Variants in NBAS observed in about 807,000 individuals in gnomAD.
The protein encoded by NBAS is NBAS subunit of NRZ tethering complex.
NBAS carries 219 observed loss-of-function variants against 302.5 expected under a neutral mutation model. The observed-to-expected ratio is 0.72, with a 90% CI of 0.65 to 0.81. The LOEUF is 0.81. NBAS is among the 30% of genes least tolerant of loss of function. The pLI, the probability that NBAS is intolerant of heterozygous loss-of-function variation, is 0.00. For missense variants in NBAS, 2,932 were observed against 2,841.6 expected (o/e 1.03, Z -0.72); for synonymous variants, 1,118 against 1,021.6 (o/e 1.09, Z -1.80).
At chr2:15,372,695 A>T (rs1445065975) in intron 31 of NBAS, among the ~76,000 whole-genome samples, 2 of 152,224 alleles carry the variant, frequency 1.3e-5, no homozygotes, top group Non-Finnish European at 2.9e-5. Context: ...AAAGCTGTCA[A>T]GACATGAAAG....
chr2:15,111,144 C>G, the NBAS span, among the ~76,000 whole-genome samples: 1 of 152,062 alleles, frequency 6.6e-6, no homozygotes, highest in Non-Finnish European at 1.5e-5. Context: ...GAATTCTTTT[C>G]TACCATAATG....
At chr2:14,944,654 A>G in the NBAS span, among the ~76,000 whole-genome samples, 897 of 152,288 alleles carry the variant, frequency 5.9e-3, 14 homozygotes, top group African/African-American at 0.021. Context: ...AACATATGGC[A>G]CAAGATTATC....
intron 41 of NBAS, among the ~76,000 whole-genome samples, chr2:15,291,256 A>G (rs1252792360): frequency 6.6e-6 from 1 of 152,248 alleles, no homozygotes; most frequent in East Asian, 1.9e-4. Context: ...CTCACCATCT[A>G]TGGAACTTAG....
the NBAS span, among the ~76,000 whole-genome samples, chr2:14,804,740 C>G: frequency 1.3e-5 from 2 of 152,012 alleles, no homozygotes; most frequent in African/African-American, 4.8e-5. Context: ...GCACAGTGTT[C>G]AGTCTGGTGA....
rs1356890945 is a variant in NBAS, at chr2:15,467,762, A to G, written c.1920T>C (p.Tyr640=). The G allele has an allele frequency of 1.3e-6, 2 of 1,598,388 alleles. No individual in the cohort carries two copies. The highest frequency in any genetic ancestry group is 2.2e-5 in the South Asian group (2 of 90,692). Residue 640 remains tyrosine, a synonymous_variant, in exon 18 of 52, where the codon TAT becomes TAC. Coordinates refer to ENST00000281513, the MANE Select transcript of NBAS (RefSeq NM_015909.4). The part of the protein sequence containing the change: ...PGEIDIDSIS[Y]EELSPPDEEP... The stretch of plus-strand genomic sequence containing the variant: ...CTTCATCAGGTGGTGAAAGCTCTTC[A>G]TAGGAGATACTGTCAATGTCTATTT...
chr2:14,903,349 AC>A, the NBAS span, among the ~76,000 whole-genome samples: 2 of 147,178 alleles, frequency 1.4e-5, no homozygotes, highest in African/African-American at 4.9e-5. Context: ...AAAGAAAGAA[AC>A]ATGTTGAAAA....
intron 44 of NBAS, among the ~76,000 whole-genome samples, chr2:15,251,104 T>G (rs972482760): frequency 2.0e-5 from 3 of 152,076 alleles, no homozygotes; most frequent in African/African-American, 7.2e-5. Context: ...GTGGCACATA[T>G]ATACCATGGA....
At chr2:14,884,893 G>C in the NBAS span, among the ~76,000 whole-genome samples, 1 of 152,144 alleles carries the variant, frequency 6.6e-6, no homozygotes, top group Non-Finnish European at 1.5e-5. Context: ...AAGGTAAAGA[G>C]AGTTCAGACA....
the NBAS span, among the ~76,000 whole-genome samples, chr2:15,052,643 C>G: frequency 6.6e-6 from 1 of 152,196 alleles, no homozygotes; most frequent in Non-Finnish European, 1.5e-5. Context: ...AGCACCTAAT[C>G]CAGCTAAGAC....
the NBAS span, among the ~76,000 whole-genome samples, chr2:14,978,000 A>T: frequency 6.6e-6 from 1 of 152,196 alleles, no homozygotes; most frequent in African/African-American, 2.4e-5. Context: ...TCAAAAAACA[A>T]GTGGTTCTCT....
chr2:15,480,488 G>A (rs779071435), intron 12 of NBAS, among the ~76,000 whole-genome samples: 1 of 152,030 alleles, frequency 6.6e-6, no homozygotes, highest in Non-Finnish European at 1.5e-5. Context: ...ACAAAGAGAG[G>A]TATAGATAAA....
intron 12 of NBAS, 131 bp downstream of exon 12, chr2:15,488,763 T>G (rs1680737867): frequency 1.7e-6 from 2 of 1,205,674 alleles, no homozygotes; most frequent in East Asian, 5.2e-5. Flanking sequence ...TATCATAATT[T>G]AAAGGATAGA....
chr2:15,164,289 C>T (rs1057310413), downstream of NBAS, among the ~76,000 whole-genome samples: 1 of 152,208 alleles, frequency 6.6e-6, no homozygotes, highest in Non-Finnish European at 1.5e-5. Flanking sequence ...AGGATGCCCA[C>T]CAGGTTCTCA....
At chr2:15,165,509 A>C (rs1212232688), downstream of NBAS, among the ~76,000 whole-genome samples, 2 of 152,236 alleles carry the variant, frequency 1.3e-5, no homozygotes, top group African/African-American at 4.8e-5. Context: ...AAGATGACCA[A>C]AACTTTCATC....
chr2:15,161,652 G>A, the NBAS span, among the ~76,000 whole-genome samples: 5 of 152,256 alleles, frequency 3.3e-5, no homozygotes, highest in East Asian at 1.9e-4. Flanking sequence ...GTTTCACCCC[G>A]GGCCTGCAGC....
intron 11 of NBAS, 94 bp downstream of exon 11, chr2:15,504,051 C>A (rs1661715079): frequency 1.0e-6 from 1 of 965,390 alleles, no homozygotes; most frequent in African/African-American, 1.6e-5. Context: ...GATGAAGATA[C>A]AAAAAATTCG....
chr2:14,836,286 C>T, the NBAS span, among the ~76,000 whole-genome samples: 3 of 151,678 alleles, frequency 2.0e-5, no homozygotes, highest in Non-Finnish European at 4.4e-5. Flanking sequence ...AGAAGTTTTT[C>T]ATTTTATTGT....
chr2:14,850,284 C>T, the NBAS span, among the ~76,000 whole-genome samples: 1 of 124,574 alleles, frequency 8.0e-6, no homozygotes, highest in Admixed American at 7.2e-5. Context: ...CAATCCTAGT[C>T]TCTGATAAAA....
chr2:15,163,512 A>G (rs1663944311), downstream of NBAS, among the ~76,000 whole-genome samples: 5 of 152,186 alleles, frequency 3.3e-5, no homozygotes, highest in South Asian at 1.0e-3. Context: ...TCGGGCTTCA[A>G]TCTGGGTTAC....
Sources: gnomAD v4.1 joint callset for allele counts (sites outside exome capture counted in the v4.1 genomes callset) on GRCh38, gnomAD v4.1.1 for gene constraint, MANE v1.5 for transcripts, NCBI Gene and HGNC (gene_info 2026-07-23, HGNC 2026-07-21) for gene names.